RAPGEF4: variants seen among roughly 807,000 people sequenced by gnomAD.
The protein encoded by RAPGEF4 is RAP guanine-nucleotide-exchange factor (GEF) 4.
Under a neutral mutation model 147.9 loss-of-function variants are expected in RAPGEF4, and 66 were observed. That is an observed-to-expected ratio of 0.45 (90% CI 0.37 to 0.55). The LOEUF (loss-of-function observed/expected upper bound fraction) is 0.55, where lower values mean the gene tolerates loss of function less well. Among genes scored for constraint, RAPGEF4 ranks in the 20% least tolerant of loss-of-function variants. The probability of loss-of-function intolerance (pLI) is 0.00; values close to 1 mark genes in which losing one functional copy is unlikely to be tolerated. For synonymous variants in RAPGEF4, 419 were observed against 442.7 expected (o/e 0.95, Z 0.67); for missense variants, 1,071 against 1,257.3 (o/e 0.85, Z 2.24).
At chr2:172,972,785 G>C (rs1208202921) in intron 10 of RAPGEF4, among the ~76,000 whole-genome samples, 2 of 152,102 alleles carry the variant, frequency 1.3e-5, no homozygotes, top group African/African-American at 4.8e-5. Flanking sequence ...ATTGCCTCAA[G>C]GTTTTAATGA....
At chr2:172,881,398 T>G (rs1342482808) in intron 4 of RAPGEF4, among the ~76,000 whole-genome samples, 2 of 152,230 alleles carry the variant, frequency 1.3e-5, no homozygotes, top group Admixed American at 6.5e-5. Context: ...TTGGTTGAAT[T>G]CTTTCCTATT....
intron 6 of RAPGEF4, among the ~76,000 whole-genome samples, chr2:172,951,846 A>G (rs1198785455): frequency 2.6e-5 from 4 of 152,078 alleles, no homozygotes; most frequent in African/African-American, 7.2e-5. Context: ...CTATGTTTTT[A>G]TAGGATCATG....
intron 4 of RAPGEF4, among the ~76,000 whole-genome samples, chr2:172,818,878 G>A (rs1325395144): frequency 6.6e-6 from 1 of 152,090 alleles, no homozygotes; most frequent in Non-Finnish European, 1.5e-5. Context: ...CCACACGTAA[G>A]GTTTTGAAAT....
chr2:172,986,822 T>G (rs1439247600), intron 12 of RAPGEF4, among the ~76,000 whole-genome samples: 1 of 151,870 alleles, frequency 6.6e-6, no homozygotes, highest in Non-Finnish European at 1.5e-5. Flanking sequence ...GCCTCCCAAG[T>G]AGTTGGGATT....
intron 6 of RAPGEF4, among the ~76,000 whole-genome samples, chr2:172,932,488 T>TA (rs1465478806): frequency 6.6e-6 from 1 of 152,200 alleles, no homozygotes; most frequent in African/African-American, 2.4e-5. Context: ...GCTCACCACT[T>TA]AAAAAAATAT....
chr2:172,941,146 A>G (rs1687104347), intron 6 of RAPGEF4, among the ~76,000 whole-genome samples: 1 of 152,174 alleles, frequency 6.6e-6, no homozygotes, highest in African/African-American at 2.4e-5. Flanking sequence ...TGTCATCTGC[A>G]AGTAAAGACA....
intron 13 of RAPGEF4, 79 bp downstream of exon 13, chr2:172,988,351 C>A: frequency 6.6e-7 from 1 of 1,511,968 alleles, no homozygotes; most frequent in Admixed American, 2.4e-5. Context: ...AATGTAGTGC[C>A]ACAATTAAAT....
At chr2:172,804,885 GA>G (rs1474401177) in intron 3 of RAPGEF4, among the ~76,000 whole-genome samples, 2 of 152,204 alleles carry the variant, frequency 1.3e-5, no homozygotes, top group Non-Finnish European at 2.9e-5. Flanking sequence ...GGAGGATGGA[GA>G]AAAAAGCTAT....
chr2:173,044,063 A>G (rs1685106887), intron 29 of RAPGEF4, among the ~76,000 whole-genome samples: 1 of 152,162 alleles, frequency 6.6e-6, no homozygotes, highest in Admixed American at 6.5e-5. Flanking sequence ...TGCTCTGTAG[A>G]CCGAGCAGCG....
chr2:172,808,148 A>T (rs1332686621), intron 3 of RAPGEF4, among the ~76,000 whole-genome samples: 1 of 152,254 alleles, frequency 6.6e-6, no homozygotes, highest in African/African-American at 2.4e-5. Context: ...TATATGACAC[A>T]TAACCATTGG....
intron 3 of RAPGEF4, among the ~76,000 whole-genome samples, chr2:172,807,893 T>C (rs997505321): frequency 2.6e-5 from 4 of 152,220 alleles, no homozygotes; most frequent in African/African-American, 7.2e-5. Context: ...TCTTGAGCCA[T>C]GAATATGGAA....
intron 1 of RAPGEF4, among the ~76,000 whole-genome samples, chr2:172,787,383 C>T (rs971247113): frequency 1.3e-5 from 2 of 151,846 alleles, no homozygotes; most frequent in Non-Finnish European, 2.9e-5. Context: ...CTTTTGCTAA[C>T]TTAGATGGGT....
In RAPGEF4 at chr2:173,030,102, T is replaced by C. The variant is rs1389019815; in HGVS notation, c.2559-62T>C. ...TAATGACTATCAGAAAATAGAACTC[T>C]AATTTTTTTTATCTCACACAGAAGT... is the stretch of plus-strand genomic sequence containing the variant. On this transcript the variant is annotated intron_variant, in intron 25 of 30. Coordinates refer to ENST00000397081, the MANE Select transcript of RAPGEF4 (RefSeq NM_007023.4). 6 of 1,161,542 alleles carry C rather than the reference T, an allele frequency of 5.2e-6. No homozygotes were observed. In the Admixed American group the frequency reaches 8.7e-5, roughly 17 times the overall value. 72.0% of individuals were successfully genotyped at this position (1,161,542 alleles called of 1,614,324 possible). A position where few individuals can be genotyped will look rare whatever the true frequency, so the allele number is the denominator to read the frequency against.
intron 23 of RAPGEF4, among the ~76,000 whole-genome samples, chr2:173,024,104 T>C (rs1295253643): frequency 1.3e-5 from 2 of 152,258 alleles, no homozygotes; most frequent in Admixed American, 6.5e-5. Context: ...CCCTGTCCTC[T>C]GTCCCCTGTG....
chr2:173,039,462 C>CA (rs758124973), intron 29 of RAPGEF4, among the ~76,000 whole-genome samples: 1,259 of 119,846 alleles, frequency 0.011, 16 homozygotes, highest in African/African-American at 0.032. Context: ...GACTCTGTCT[C>CA]AAAAAAAAAA....
intron 3 of RAPGEF4, among the ~76,000 whole-genome samples, chr2:172,800,030 C>T (rs1686813108): frequency 6.6e-6 from 1 of 152,158 alleles, no homozygotes; most frequent in South Asian, 2.1e-4. Flanking sequence ...TTTAACTAAA[C>T]TTTTAATTTT....
At chr2:172,834,184 A>C (rs1278157461) in intron 4 of RAPGEF4, among the ~76,000 whole-genome samples, 1 of 152,194 alleles carries the variant, frequency 6.6e-6, no homozygotes, top group East Asian at 1.9e-4. Flanking sequence ...CTCTTTACAC[A>C]CCAGATACTT....
At chr2:172,740,851 C>CAG (rs1694234983) in intron 1 of RAPGEF4, among the ~76,000 whole-genome samples, 2 of 152,190 alleles carry the variant, frequency 1.3e-5, no homozygotes, top group African/African-American at 4.8e-5. Flanking sequence ...ACCAGACTCT[C>CAG]AGAGACTCTA....
chr2:172,886,691 C>A (rs1437678966), intron 4 of RAPGEF4, among the ~76,000 whole-genome samples: 1 of 149,136 alleles, frequency 6.7e-6, no homozygotes, highest in Non-Finnish European at 1.5e-5. Flanking sequence ...CCTCTACTGT[C>A]ATGTTCACTA....
Sources: gnomAD v4.1 joint callset for allele counts (sites outside exome capture counted in the v4.1 genomes callset) on GRCh38, gnomAD v4.1.1 for gene constraint, MANE v1.5 for transcripts, NCBI Gene and HGNC (gene_info 2026-07-23, HGNC 2026-07-21) for gene names.